MECOM: variants seen among roughly 807,000 people sequenced by gnomAD.
The protein encoded by MECOM is histone-lysine N-methyltransferase MECOM.
MECOM carries 13 observed loss-of-function variants against 116.3 expected under a neutral mutation model. The ratio of observed to expected loss-of-function variants is 0.11; its 90% CI spans 0.07 to 0.18. The LOEUF is 0.18. MECOM is among the 10% of genes least tolerant of loss of function. The pLI, the probability that MECOM is intolerant of heterozygous loss-of-function variation, is 1.00. For missense variants in MECOM, 1,299 were observed against 1,509.0 expected, an observed-to-expected ratio of 0.86 and a Z score of 2.31; for synonymous variants, 528 against 535.2, an observed-to-expected ratio of 0.99 and a Z score of 0.19.
At chr3:169,140,883 T>C (rs904270622) in intron 3 of MECOM, among the ~76,000 whole-genome samples, 3 of 152,068 alleles carry the variant, frequency 2.0e-5, no homozygotes, top group Non-Finnish European at 4.4e-5. Context: ...ATCCATGCTG[T>C]TTCTAGAACT....
intron 1 of MECOM, among the ~76,000 whole-genome samples, chr3:169,541,680 C>A (rs556466978): frequency 6.6e-6 from 1 of 152,312 alleles, no homozygotes; most frequent in South Asian, 2.1e-4. Context: ...ATTCCGGATG[C>A]CCCTTTTCAA....
intron 2 of MECOM, among the ~76,000 whole-genome samples, chr3:169,169,836 C>CTTTT (rs77967621): frequency 6.9e-6 from 1 of 144,782 alleles, no homozygotes; most frequent in Non-Finnish European, 1.5e-5. Context: ...TACAGTTCTA[C>CTTTT]TTTTTTTTTT....
chr3:169,157,605 AGCT>A (rs1742182681), intron 2 of MECOM, among the ~76,000 whole-genome samples: 1 of 152,224 alleles, frequency 6.6e-6, no homozygotes, highest in Non-Finnish European at 1.5e-5. Flanking sequence ...TTTCAACTGT[AGCT>A]TTGAAAATAT....
At chr3:169,324,347 A>T (rs1577716456) in intron 2 of MECOM, among the ~76,000 whole-genome samples, 1 of 152,244 alleles carries the variant, frequency 6.6e-6, no homozygotes, top group African/African-American at 2.4e-5. Flanking sequence ...GGATAGTCAG[A>T]GTATGAGAAC....
intron 1 of MECOM, among the ~76,000 whole-genome samples, chr3:169,591,533 C>G (rs948318251): frequency 2.0e-5 from 3 of 152,170 alleles, no homozygotes; most frequent in African/African-American, 7.2e-5. Flanking sequence ...ATGTTACACA[C>G]CCACATACTT....
intron 2 of MECOM, among the ~76,000 whole-genome samples, chr3:169,192,641 A>C (rs753077640): frequency 1.3e-5 from 2 of 152,050 alleles, no homozygotes; most frequent in African/African-American, 2.4e-5. Flanking sequence ...AAGAGAGTTT[A>C]ATTAAACAAG....
Position 169,085,127 on chromosome 3 carries a change from A to G in MECOM, c.3586-84T>C, listed in dbSNP as rs1717240360. On this transcript the variant is annotated intron_variant, in intron 16 of 16. Transcript: ENST00000651503. The stretch of plus-strand genomic sequence containing the variant: ...CAAAGAATATTGTTGGTAAATGGAA[A>G]GGGATGGGACCCTGAGTAGGGGCAT... 3.9e-6 allele frequency: 6 copies of G among 1,552,704 alleles called. No individual in the cohort carries two copies. In the South Asian group the frequency reaches 5.8e-5, roughly 15 times the overall value.
intron 1 of MECOM, among the ~76,000 whole-genome samples, chr3:169,622,087 G>GGTTT (rs1488940266): frequency 6.6e-6 from 1 of 152,014 alleles, no homozygotes; most frequent in Non-Finnish European, 1.5e-5. Context: ...TGCCAACAGA[G>GGTTT]GTTTGTTTGT....
At chr3:169,614,900 G>C (rs1769797173) in intron 1 of MECOM, 1 of 152,166 alleles carries the variant, frequency 6.6e-6, no homozygotes. Flanking sequence ...ACAGCACATA[G>C]AAAGACTCAA....
chr3:169,613,234 G>C (rs1047571423), intron 1 of MECOM, among the ~76,000 whole-genome samples: 6 of 152,126 alleles, frequency 3.9e-5, no homozygotes, highest in African/African-American at 7.2e-5. Context: ...AAGACATGCT[G>C]GTTTTATTTG....
chr3:169,116,972 A>T (rs1480257608), intron 7 of MECOM, among the ~76,000 whole-genome samples: 1 of 152,134 alleles, frequency 6.6e-6, no homozygotes, highest in South Asian at 2.1e-4. Flanking sequence ...ATATAGATAT[A>T]TATATCTTGT....
At chr3:169,118,110 A>C (rs1729772234) in intron 7 of MECOM, among the ~76,000 whole-genome samples, 1 of 152,162 alleles carries the variant, frequency 6.6e-6, no homozygotes, top group Non-Finnish European at 1.5e-5. Context: ...TAAAAAAAAA[A>C]ACTCATGTCA....
At chr3:169,420,897 T>C (rs561984612) in intron 1 of MECOM, among the ~76,000 whole-genome samples, 2 of 152,284 alleles carry the variant, frequency 1.3e-5, no homozygotes, top group Admixed American at 6.5e-5. Flanking sequence ...AAATAAAGTG[T>C]ATTTCATCAA....
chr3:169,501,892 T>C (rs1754585142), intron 1 of MECOM, among the ~76,000 whole-genome samples: 1 of 152,084 alleles, frequency 6.6e-6, no homozygotes, highest in Non-Finnish European at 1.5e-5. Flanking sequence ...CTACACAACA[T>C]GATTGCTGGG....
chr3:169,344,951 G>A (rs561442186), intron 2 of MECOM, among the ~76,000 whole-genome samples: 1 of 152,226 alleles, frequency 6.6e-6, no homozygotes, highest in East Asian at 1.9e-4. Flanking sequence ...TGGAAATGAA[G>A]GGAGAATTTG....
chr3:169,333,719 A>G (rs1305972712), intron 2 of MECOM, among the ~76,000 whole-genome samples: 1 of 152,196 alleles, frequency 6.6e-6, no homozygotes, highest in Non-Finnish European at 1.5e-5. Context: ...AATATAAAAC[A>G]AACAAATATG....
At chr3:169,237,114 G>A (rs1754159784) in intron 2 of MECOM, among the ~76,000 whole-genome samples, 2 of 152,150 alleles carry the variant, frequency 1.3e-5, no homozygotes, top group Non-Finnish European at 2.9e-5. Context: ...AGAACCAAAG[G>A]CTTCAGTAAG....
intron 1 of MECOM, among the ~76,000 whole-genome samples, chr3:169,479,271 G>C (rs1233000833): frequency 4.0e-5 from 2 of 50,218 alleles, no homozygotes; most frequent in Admixed American, 3.5e-4. Context: ...AGGGATGTGA[G>C]TGTGTGTGTG....
intron 2 of MECOM, among the ~76,000 whole-genome samples, chr3:169,324,988 A>C (rs1721601195): frequency 6.6e-6 from 1 of 152,054 alleles, no homozygotes; most frequent in Admixed American, 6.6e-5. Flanking sequence ...AGCTCTTCAC[A>C]CTACTCACAG....
Sources: allele counts gnomAD v4.1 joint callset (sites outside exome capture counted in the v4.1 genomes callset), GRCh38; gene constraint gnomAD v4.1.1; transcripts MANE v1.5; gene names NCBI Gene and HGNC (gene_info 2026-07-23, HGNC 2026-07-21).